The following AOPEP variants were observed in gnomAD, a reference collection of about 807,000 sequenced individuals.
AOPEP encodes aminopeptidase O (putative).
AOPEP carries 77 observed loss-of-function variants against 98.1 expected under a neutral mutation model. The observed-to-expected ratio is 0.78, with a 90% CI of 0.65 to 0.95. AOPEP has a LOEUF of 0.95. Among genes scored for constraint, AOPEP ranks in the 40% least tolerant of loss-of-function variants. The pLI, the probability that AOPEP is intolerant of heterozygous loss-of-function variation, is 0.00. For synonymous variants in AOPEP, 346 were observed against 365.3 expected (o/e 0.95, Z 0.60); for missense variants, 1,024 against 1,024.7 (o/e 1.00, Z 0.01).
At chr9:94,992,624 C>T (rs1589193491) in intron 11 of AOPEP, among the ~76,000 whole-genome samples, 2 of 152,238 alleles carry the variant, frequency 1.3e-5, no homozygotes, top group East Asian at 3.9e-4. Flanking sequence ...CATTAAATAC[C>T]AGCTTTGGAG....
intron 6 of AOPEP, among the ~76,000 whole-genome samples, chr9:94,927,500 G>A (rs1407995382): frequency 6.6e-6 from 1 of 152,150 alleles, no homozygotes; most frequent in Non-Finnish European, 1.5e-5. Flanking sequence ...GGCCCGACGT[G>A]CCTTGCAAGT....
intron 5 of AOPEP, among the ~76,000 whole-genome samples, chr9:94,813,733 T>C (rs1198057929): frequency 6.6e-6 from 1 of 152,220 alleles, no homozygotes; most frequent in Non-Finnish European, 1.5e-5. Context: ...ACAGGGCAGG[T>C]GGATCCTAAT....
At chr9:94,983,559 C>G (rs746737370) in intron 11 of AOPEP, among the ~76,000 whole-genome samples, 1 of 152,242 alleles carries the variant, frequency 6.6e-6, no homozygotes, top group Non-Finnish European at 1.5e-5. Context: ...ACCCACTCTT[C>G]TCACCAGAGA....
chr9:95,075,381 T>C (rs532593655), intron 14 of AOPEP, among the ~76,000 whole-genome samples: 1 of 152,268 alleles, frequency 6.6e-6, no homozygotes, highest in Admixed American at 6.5e-5. Flanking sequence ...GATAACTGTA[T>C]GCAATTAAGA....
At chr9:94,825,264 T>C (rs1470279240) in intron 5 of AOPEP, among the ~76,000 whole-genome samples, 2 of 152,252 alleles carry the variant, frequency 1.3e-5, no homozygotes, top group Admixed American at 1.3e-4. Context: ...GAAAGTGTGA[T>C]GGATGCCTTG....
At chr9:94,944,999 A>G (rs914279322) in intron 7 of AOPEP, among the ~76,000 whole-genome samples, 2 of 152,152 alleles carry the variant, frequency 1.3e-5, no homozygotes, top group African/African-American at 2.4e-5. Flanking sequence ...TTGATCAACA[A>G]TCATCTGGAG....
intron 5 of AOPEP, among the ~76,000 whole-genome samples, chr9:94,811,302 C>T (rs999472333): frequency 6.6e-6 from 1 of 152,138 alleles, no homozygotes; most frequent in African/African-American, 2.4e-5. Flanking sequence ...ATATTATGTC[C>T]CCTAGGCTTT....
At chr9:94,875,127 C>A (rs12344041) in intron 5 of AOPEP, among the ~76,000 whole-genome samples, 193 of 151,946 alleles carry the variant, frequency 1.3e-3, no homozygotes, top group African/African-American at 4.2e-3. Context: ...TTCCAATTTT[C>A]TTTGATAGGT....
At chr9:94,766,405 C>T (rs1233622131) in intron 2 of AOPEP, among the ~76,000 whole-genome samples, 13 of 152,114 alleles carry the variant, frequency 8.5e-5, no homozygotes, top group African/African-American at 2.9e-4. Flanking sequence ...GGCGTGGTGG[C>T]GGGCGCCCGT....
At chr9:94,774,264 A>G (rs1370920644) in intron 3 of AOPEP, among the ~76,000 whole-genome samples, 1 of 137,030 alleles carries the variant, frequency 7.3e-6, no homozygotes. Flanking sequence ...GTGAGCTGAG[A>G]TGGCGCCACT....
chr9:94,774,245 G>A (rs748591706), intron 3 of AOPEP, among the ~76,000 whole-genome samples: 14 of 148,090 alleles, frequency 9.5e-5, no homozygotes, highest in Non-Finnish European at 2.1e-4. Context: ...CTGGGAGATG[G>A]AGCTTGCAGT....
downstream of AOPEP, among the ~76,000 whole-genome samples, chr9:95,091,775 G>A (rs986975951): frequency 1.1e-4 from 16 of 152,162 alleles, no homozygotes; most frequent in Non-Finnish European, 1.3e-4. Flanking sequence ...ATAACTAGAC[G>A]GTGTGAGAAA....
intron 7 of AOPEP, among the ~76,000 whole-genome samples, chr9:94,941,635 CAGCAA>C (rs1212216741): frequency 6.6e-6 from 1 of 152,232 alleles, no homozygotes; most frequent in Non-Finnish European, 1.5e-5. Flanking sequence ...CTCTTTTAAA[CAGCAA>C]AGATGACAGA....
At chr9:95,104,883 C>T in the AOPEP span, among the ~76,000 whole-genome samples, 1 of 152,192 alleles carries the variant, frequency 6.6e-6, no homozygotes, top group Admixed American at 6.5e-5. Flanking sequence ...CCCATAAGCA[C>T]CTTCCCACTG....
intron 3 of AOPEP, among the ~76,000 whole-genome samples, chr9:94,781,214 T>C (rs979995003): frequency 1.3e-5 from 2 of 152,148 alleles, no homozygotes; most frequent in Admixed American, 1.3e-4. Flanking sequence ...CAGACAGAGA[T>C]GTTATCCTGT....
chr9:95,074,795 A>C (rs1383964506), intron 14 of AOPEP, among the ~76,000 whole-genome samples: 1 of 152,200 alleles, frequency 6.6e-6, no homozygotes, highest in Admixed American at 6.5e-5. Context: ...GCAGGTCAGG[A>C]GGCCAGCCAG....
intron 14 of AOPEP, among the ~76,000 whole-genome samples, chr9:95,068,875 T>G (rs966261807): frequency 3.9e-5 from 6 of 152,144 alleles, no homozygotes; most frequent in Non-Finnish European, 8.8e-5. Context: ...GTGATATGGC[T>G]AGAAATTGGC....
At chr9:95,088,896 G>A (rs57550444), downstream of AOPEP, among the ~76,000 whole-genome samples, 2,259 of 152,304 alleles carry the variant, frequency 0.015, 59 homozygotes, top group African/African-American at 0.051. Flanking sequence ...ATCAGAACCG[G>A]ACATTGCTGT....
At chr9:94,952,437 C>T (rs1180353688) in intron 7 of AOPEP, among the ~76,000 whole-genome samples, 1 of 152,220 alleles carries the variant, frequency 6.6e-6, no homozygotes, top group Non-Finnish European at 1.5e-5. Context: ...TCAACACTCC[C>T]TCCCAAGGTG....
Sources: gnomAD v4.1 joint callset for allele counts (sites outside exome capture counted in the v4.1 genomes callset) on GRCh38, gnomAD v4.1.1 for gene constraint, MANE v1.5 for transcripts, NCBI Gene and HGNC (gene_info 2026-07-23, HGNC 2026-07-21) for gene names.